The following NEK9 variants were observed in gnomAD, a reference collection of about 807,000 sequenced individuals.
NEK9 encodes serine/threonine-protein kinase Nek9.
Under a neutral mutation model 123.4 loss-of-function variants are expected in NEK9, and 75 were observed. That is an observed-to-expected ratio of 0.61 (90% CI 0.50 to 0.74). The LOEUF (loss-of-function observed/expected upper bound fraction) is 0.74. NEK9 is among the 30% of genes least tolerant of loss of function. The pLI, the probability that NEK9 is intolerant of heterozygous loss-of-function variation, is 0.00. For missense variants in NEK9, 952 were observed against 1,214.4 expected, an observed-to-expected ratio of 0.78 and a Z score of 3.21; for synonymous variants, 438 against 458.7, an observed-to-expected ratio of 0.95 and a Z score of 0.58.
At chr14:75,101,193 G>A in intron 15 of NEK9, 40 bp from the exon 16 acceptor site, 2 of 1,581,924 alleles carry the variant, frequency 1.3e-6, no homozygotes, top group Admixed American at 1.9e-5. Context: ...GCACAAATGA[G>A]TCCTGGAACC....
chr14:75,111,036 T>C (rs1413133712), intron 8 of NEK9, among the ~76,000 whole-genome samples: 1 of 152,194 alleles, frequency 6.6e-6, no homozygotes, highest in Non-Finnish European at 1.5e-5. Context: ...ACTATACTAA[T>C]TTAACACAGA....
chr14:75,108,518 T>TGC (rs1165353611), intron 10 of NEK9, among the ~76,000 whole-genome samples: 58 of 44,784 alleles, frequency 1.3e-3, no homozygotes, highest in African/African-American at 4.5e-3. Flanking sequence ...CGTGTGCGTG[T>TGC]GTGTGTGTGT....
rs757788295 is a variant in NEK9 at position 75,106,633 on chromosome 14, G to T, written c.1397C>A (p.Pro466His). Residue 466 changes from proline to histidine, a missense_variant, in exon 12 of 22, where the codon CCT (proline) becomes CAT (histidine). Pro to His is a moderately conservative substitution (Grantham distance 77, BLOSUM62 -2). Transcript: ENST00000238616. The part of the protein sequence containing the change: ...GCMGVDKVAG[P>H]EVLEPMQLNF... ...CAGCTGCATGGGTTCTAGCACTTCA[G>T]GGCCAGCAACTTTGTCCACCCCCAT... The T allele has an allele frequency of 1.9e-6, 3 of 1,614,064 alleles. No homozygotes were observed. Among genetic ancestry groups the T allele is most frequent in the Non-Finnish European group, 2.5e-6 (3 of 1,180,040 alleles).
In NEK9 at chr14:75,082,531, G is replaced by C. The variant is rs1893895883; in HGVS notation, c.*2033C>G. ...CTCAGCCAGATTAATAGCAAATCTA[G>C]ACTTCCCAAGGGAATATGCTAGAGA... On this transcript the variant is annotated 3_prime_UTR_variant, in exon 22 of 22. Coordinates refer to ENST00000238616, the MANE Select transcript of NEK9 (RefSeq NM_033116.6). 6.5e-6 allele frequency: 1 copy of C among 154,926 alleles called. No individual in the cohort carries two copies. Among genetic ancestry groups the C allele is most frequent in the African/African-American group, 2.4e-5 (1 of 41,564 alleles). The allele number at this position is 154,926 out of a possible 1,614,324, so 9.6% of individuals were successfully genotyped here.
chr14:75,091,176 A>T, intron 19 of NEK9, 94 bp downstream of exon 19: 1 of 1,008,978 alleles, frequency 9.9e-7, no homozygotes, highest in Non-Finnish European at 1.4e-6. Context: ...ACAGTTTACT[A>T]GGTACTTGGA....
chr14:75,103,550 T>G (rs1894660909), intron 14 of NEK9, among the ~76,000 whole-genome samples: 2 of 152,176 alleles, frequency 1.3e-5, no homozygotes, highest in African/African-American at 4.8e-5. Flanking sequence ...TATAGACCAT[T>G]CCCATTACTC....
intron 19 of NEK9, among the ~76,000 whole-genome samples, chr14:75,090,770 G>C (rs1237958378): frequency 2.6e-5 from 4 of 151,842 alleles, no homozygotes; most frequent in Non-Finnish European, 4.4e-5. Flanking sequence ...ACAAGGTCTT[G>C]CTGTGTTGCC....
chr14:75,096,766 C>T (rs175478), intron 17 of NEK9: 68,283 of 168,990 alleles, frequency 0.4, 14,576 homozygotes, highest in Middle Eastern at 0.5. Context: ...TGCAGTGAGC[C>T]GAGATCACAC....
chr14:75,108,508 CGTGTGCGTGT>C (rs1894853490), intron 10 of NEK9, among the ~76,000 whole-genome samples: 1 of 82,304 alleles, frequency 1.2e-5, no homozygotes, highest in African/African-American at 4.8e-5. Context: ...TATGTGTGTG[CGTGTGCGTGT>C]GTGTGTGTGT....
At position 75,084,692 on chromosome 14, in the gene NEK9, C is replaced by T. The variant is rs1193452745; in HGVS notation, c.2818-6G>A. The T allele has an allele frequency of 5.0e-6, 8 of 1,613,880 alleles. No homozygotes were observed. The highest frequency in any genetic ancestry group is 6.8e-6 in the Non-Finnish European group (8 of 1,179,918). ...CCTTTGGAATGCATCCCCACCTGTC[C>T]GGATAAAACACGGTTCCACATTAGC... is the stretch of plus-strand genomic sequence containing the variant. On this transcript the variant is annotated splice_polypyrimidine_tract_variant and splice_region_variant and intron_variant, in intron 21 of 21. Transcript: ENST00000238616.
intron 13 of NEK9, among the ~76,000 whole-genome samples, chr14:75,105,313 A>G (rs933644771): frequency 1.4e-4 from 21 of 152,052 alleles, no homozygotes; most frequent in Non-Finnish European, 2.8e-4. Flanking sequence ...AGGAAAGAAA[A>G]AAAAAAAAGA....
intron 5 of NEK9, among the ~76,000 whole-genome samples, chr14:75,117,946 A>G (rs1464783765): frequency 6.6e-6 from 1 of 152,258 alleles, no homozygotes; most frequent in African/African-American, 2.4e-5. Context: ...GTCAGCTTTA[A>G]GCAGCAAAGC....
chr14:75,086,111 C>T (rs902828827), intron 21 of NEK9, among the ~76,000 whole-genome samples: 5 of 151,684 alleles, frequency 3.3e-5, no homozygotes, highest in African/African-American at 7.3e-5. Context: ...ATCACTTGAA[C>T]CCGGGCGGTG....
chr14:75,099,508 G>A (rs950141240), intron 16 of NEK9, among the ~76,000 whole-genome samples: 7 of 152,168 alleles, frequency 4.6e-5, no homozygotes, highest in African/African-American at 1.4e-4. Flanking sequence ...GTGACCAGGA[G>A]TGGTGGCTCA....
chr14:75,122,052 C>G (rs1895355961), intron 2 of NEK9, among the ~76,000 whole-genome samples: 1 of 152,188 alleles, frequency 6.6e-6, no homozygotes, highest in South Asian at 2.1e-4. Context: ...GAATTTACTT[C>G]TCTCTTTCCT....
Position 75,118,850 on chromosome 14 carries a change from CA to C in NEK9, c.609del (p.Glu204SerfsTer23). On this transcript the variant is annotated frameshift_variant, in exon 5 of 22. Transcript: ENST00000238616. LOFTEE classifies it high-confidence loss of function. The stretch of plus-strand genomic sequence containing the variant: ...CATACCGTCTCAGCCATGGAATACT[CA>C]GAATTAAGTTTCTTTGCTAGGCCAT... ...GDYGLAKKLN[S>X]EYSMAETLVG... 1 of 1,605,204 alleles carries C rather than the reference CA, an allele frequency of 6.2e-7. No individual in the cohort carries two copies. Among genetic ancestry groups the C allele is most frequent in the Non-Finnish European group, 8.5e-7 (1 of 1,172,120 alleles).
chr14:75,097,377 C>A, intron 16 of NEK9, 107 bp from the exon 17 acceptor site: 1 of 924,880 alleles, frequency 1.1e-6, no homozygotes, highest in Non-Finnish European at 1.6e-6. Context: ...CCACTATGTA[C>A]TAAACAAGGG....
chr14:75,119,883 A>G (rs1895267344), intron 4 of NEK9, among the ~76,000 whole-genome samples: 1 of 152,254 alleles, frequency 6.6e-6, no homozygotes, highest in Non-Finnish European at 1.5e-5. Context: ...AAATAACAAC[A>G]TGCAACAGAA....
chr14:75,092,353 G>A (rs1427489802), intron 18 of NEK9, among the ~76,000 whole-genome samples: 2 of 150,866 alleles, frequency 1.3e-5, no homozygotes, highest in South Asian at 2.1e-4. Context: ...TGCAACCTCC[G>A]CCTCCTGGCT....
Sources: allele counts gnomAD v4.1 joint callset (sites outside exome capture counted in the v4.1 genomes callset), GRCh38; gene constraint gnomAD v4.1.1; transcripts MANE v1.5; gene names NCBI Gene and HGNC (gene_info 2026-07-23, HGNC 2026-07-21).